ENTPD4: variants seen among roughly 807,000 people sequenced by gnomAD.
ENTPD4 encodes the protein Golgi UDPase.
ENTPD4 carries 60 observed loss-of-function variants against 79.1 expected under a neutral mutation model. The ratio of observed to expected loss-of-function variants is 0.76; its 90% CI spans 0.62 to 0.94. The LOEUF (loss-of-function observed/expected upper bound fraction) is 0.94, where lower values mean the gene tolerates loss of function less well. Among genes scored for constraint, ENTPD4 ranks in the 40% least tolerant of loss-of-function variants. ENTPD4 has a pLI of 0.00. For synonymous variants in ENTPD4, 276 were observed against 292.0 expected, an observed-to-expected ratio of 0.95 and a Z score of 0.56; for missense variants, 772 against 775.1, an observed-to-expected ratio of 1.00 and a Z score of 0.05.
chr8:23,441,936 T>G, intron 7 of ENTPD4, 71 bp downstream of exon 7: 1 of 1,389,814 alleles, frequency 7.2e-7, no homozygotes, highest in Non-Finnish European at 1.0e-6. Context: ...TAGCTCTTTT[T>G]TCAGCCTTTG....
chr8:23,455,958 T>C (rs2117313776), intron 1 of ENTPD4, among the ~76,000 whole-genome samples: 1 of 152,342 alleles, frequency 6.6e-6, no homozygotes, highest in South Asian at 2.1e-4. Context: ...ATATCTAAGA[T>C]GACCACAGCA....
intron 2 of ENTPD4, 38 bp downstream of exon 2, chr8:23,449,855 A>G: frequency 6.4e-7 from 1 of 1,569,320 alleles, no homozygotes; most frequent in Non-Finnish European, 8.8e-7. Flanking sequence ...TGCATCACCA[A>G]GATTTCATGT....
At chr8:23,447,063 A>G (rs1424118654) in intron 4 of ENTPD4, among the ~76,000 whole-genome samples, 1 of 152,216 alleles carries the variant, frequency 6.6e-6, no homozygotes, top group Non-Finnish European at 1.5e-5. Flanking sequence ...AATGCTCCTG[A>G]CAGAAGCTGC....
chr8:23,434,857 G>T, intron 11 of ENTPD4: 1 of 326,948 alleles, frequency 3.1e-6, no homozygotes, highest in Non-Finnish European at 4.8e-6. Context: ...GTTCTCTTCA[G>T]CTCTGATATT....
Position 23,432,142 on chromosome 8 carries a change from T to C in ENTPD4, c.*784A>G, listed in dbSNP as rs1465591854. 3.0e-6 allele frequency: 3 copies of C among 984,160 alleles called. No homozygotes were observed. The highest frequency in any genetic ancestry group is 4.7e-5 in the South Asian group (1 of 21,256). 61.0% of individuals were successfully genotyped at this position (984,160 alleles called of 1,614,324 possible). A position where few individuals can be genotyped will look rare whatever the true frequency, so the allele number is the denominator to read the frequency against. ...AATTTAAATTTGCAAAGAAAACATA[T>C]ACAGTAACAGACCTGAACAATAAAT... On this transcript the variant is annotated 3_prime_UTR_variant, in exon 13 of 13. Coordinates refer to ENST00000358689, the MANE Select transcript of ENTPD4 (RefSeq NM_004901.5).
chr8:23,457,165 A>T (rs1800972687), intron 1 of ENTPD4, among the ~76,000 whole-genome samples: 3 of 152,240 alleles, frequency 2.0e-5, no homozygotes, highest in Non-Finnish European at 2.9e-5. Flanking sequence ...AAACGACAAG[A>T]CGAGCGAATG....
At chr8:23,436,564 T>C (rs1800564572) in intron 10 of ENTPD4, among the ~76,000 whole-genome samples, 1 of 151,930 alleles carries the variant, frequency 6.6e-6, no homozygotes, top group Non-Finnish European at 1.5e-5. Context: ...CACCTAAGTT[T>C]AAGGGGTGTC....
At chr8:23,450,107 G>A (rs934493061) in intron 1 of ENTPD4, 110 bp from the exon 2 acceptor site, 2 of 610,172 alleles carry the variant, frequency 3.3e-6, no homozygotes, top group East Asian at 5.6e-5. Flanking sequence ...CATGATCCTT[G>A]CACTGAAGCT....
At position 23,433,017 on chromosome 8, in the gene ENTPD4, C is replaced by CGCCGCA. The variant is rs770959664; in HGVS notation, c.1754_1759dup (p.Leu585_Arg586dup). 1.2e-6 allele frequency: 2 copies of CGCCGCA among 1,613,928 alleles called. No individual in the cohort carries two copies. Among genetic ancestry groups the CGCCGCA allele is most frequent in the Non-Finnish European group, 8.5e-7 (1 of 1,179,930 alleles). ...GCTCCGGGGAGTGCGCCTGTGGATG[C>CGCCGCA]GCCGCAGCCGCAGCAGGTACAGCAG... On this transcript the variant is annotated inframe_insertion, in exon 13 of 13. Transcript: ENST00000358689.
chr8:23,433,747 C>T (rs1032530736), intron 12 of ENTPD4, among the ~76,000 whole-genome samples: 6 of 152,284 alleles, frequency 3.9e-5, no homozygotes, highest in Middle Eastern at 3.4e-3. Context: ...TTGTTACTAA[C>T]GAAAATCACA....
At chr8:23,446,344 C>A (rs76951631) in intron 4 of ENTPD4, among the ~76,000 whole-genome samples, 9 of 152,174 alleles carry the variant, frequency 5.9e-5, no homozygotes, top group Middle Eastern at 3.4e-3. Flanking sequence ...GGACCTGGTA[C>A]GTGAAGCTAG....
chr8:23,448,423 C>A (rs775921933), intron 3 of ENTPD4, among the ~76,000 whole-genome samples: 1 of 152,122 alleles, frequency 6.6e-6, no homozygotes, highest in Non-Finnish European at 1.5e-5. Context: ...ATCACCAATG[C>A]GATGCTATTA....
Position 23,431,268 on chromosome 8 carries a change from T to A in ENTPD4, c.*1658A>T. 1 of 901,794 alleles carries A rather than the reference T, an allele frequency of 1.1e-6. No homozygotes were observed. Among genetic ancestry groups the A allele is most frequent in the African/African-American group, 1.8e-5 (1 of 55,322 alleles). The allele number at this position is 901,794 out of a possible 1,614,324, so 55.9% of individuals were successfully genotyped here. ...CAGTACCTAGTTCCAAAGCCACTTTTATAATATCCTCAGTTATCTGTTATA... is the reference window on the plus strand; with the variant it reads ...CAGTACCTAGTTCCAAAGCCACTTTAATAATATCCTCAGTTATCTGTTATA... On this transcript the variant is annotated 3_prime_UTR_variant, in exon 13 of 13. Transcript: ENST00000358689.
chr8:23,429,929 A>C lies in ENTPD4; in HGVS notation c.*2997T>G, dbSNP rs1800426384. On this transcript the variant is annotated 3_prime_UTR_variant, in exon 13 of 13. Transcript: ENST00000358689. ...GAACATCCCCTGGAGGAGGTTTAAA[A>C]GTGAGAAGCCCATGATATGGCTATG... is the stretch of plus-strand genomic sequence containing the variant. 1.0e-6 allele frequency: 1 copy of C among 985,374 alleles called. No individual in the cohort carries two copies. 61.0% of individuals were successfully genotyped at this position (985,374 alleles called of 1,614,324 possible).
rs771777272 is a variant in ENTPD4, at chr8:23,437,074, A to C, written c.1234T>G (p.Ser412Ala). Residue 412 changes from serine to alanine, a missense_variant, in exon 10 of 13, where the codon TCC becomes GCC. By Grantham distance (99) the Ser-to-Ala change is moderately conservative. Coordinates refer to ENST00000358689, the MANE Select transcript of ENTPD4 (RefSeq NM_004901.5). ...FMNKTNETQT[S>A]LNGVYQPPIH... ...GGGGGCTGGTAGACCCCATTGAGGG[A>C]AGTCTGGGTCTCGTTTGTTTTATTC... 7 of 1,614,142 alleles carry C rather than the reference A, an allele frequency of 4.3e-6. No individual in the cohort carries two copies. In the South Asian group the frequency reaches 7.7e-5, roughly 18 times the overall value.
At position 23,430,505 on chromosome 8, in the gene ENTPD4, GCAAA is replaced by G; in HGVS notation, c.*2417_*2420del. On this transcript the variant is annotated 3_prime_UTR_variant, in exon 13 of 13. Transcript: ENST00000358689. Reference sequence around the variant, plus strand: ...AACTGCATTGTTCTCACAAGGACCAGCAAACTTTTTCTGTAAATATTTTAGTAAA... The same window carrying G: ...AACTGCATTGTTCTCACAAGGACCAGCTTTTTCTGTAAATATTTTAGTAAA... 2.0e-6 allele frequency: 2 copies of G among 985,312 alleles called. No individual in the cohort carries two copies. Among genetic ancestry groups the G allele is most frequent in the Non-Finnish European group, 2.4e-6 (2 of 829,838 alleles). The allele number at this position is 985,312 out of a possible 1,614,324, so 61.0% of individuals were successfully genotyped here.
At chr8:23,445,568 C>G (rs183530113) in intron 4 of ENTPD4, among the ~76,000 whole-genome samples, 1 of 152,292 alleles carries the variant, frequency 6.6e-6, no homozygotes, top group African/African-American at 2.4e-5. Context: ...CCTCCCTACC[C>G]CTTTTCACCT....
At position 23,432,080 on chromosome 8, in the gene ENTPD4, C is replaced by T; in HGVS notation, c.*846G>A. The stretch of plus-strand genomic sequence containing the variant: ...TTTTATAAATGGTTATCTCCTGGTG[C>T]CCATGTTTCTCTGTTTTGGATATAA... On this transcript the variant is annotated 3_prime_UTR_variant, in exon 13 of 13. Transcript: ENST00000358689. The T allele has an allele frequency of 3.0e-6, 3 of 985,094 alleles. No individual in the cohort carries two copies. Among genetic ancestry groups the T allele is most frequent in the Non-Finnish European group, 3.6e-6 (3 of 829,812 alleles). The allele number at this position is 985,094 out of a possible 1,614,324, so 61.0% of individuals were successfully genotyped here. A position where few individuals can be genotyped will look rare whatever the true frequency, so the allele number is the denominator to read the frequency against.
intron 9 of ENTPD4, among the ~76,000 whole-genome samples, chr8:23,438,964 AT>A (rs958807864): frequency 2.6e-5 from 4 of 152,254 alleles, no homozygotes; most frequent in African/African-American, 7.2e-5. Context: ...ATGAACTAGG[AT>A]TTTTTTCCCT....
Sources: allele counts gnomAD v4.1 joint callset (sites outside exome capture counted in the v4.1 genomes callset), GRCh38; gene constraint gnomAD v4.1.1; transcripts MANE v1.5; gene names NCBI Gene and HGNC (gene_info 2026-07-23, HGNC 2026-07-21).